VPS53: variants seen among roughly 807,000 people sequenced by gnomAD.
VPS53 encodes VPS53 subunit of GARP complex.
A neutral mutation model predicts 107.0 loss-of-function variants in VPS53; 70 were observed. The observed-to-expected ratio is 0.65, with a 90% CI of 0.54 to 0.80. The LOEUF (loss-of-function observed/expected upper bound fraction) is 0.80, where lower values mean the gene tolerates loss of function less well. VPS53 is among the 30% of genes least tolerant of loss of function. The pLI is 0.00. For missense variants in VPS53, 917 were observed against 1,049.4 expected (o/e 0.87, Z 1.74); for synonymous variants, 409 against 393.3 (o/e 1.04, Z -0.47).
intron 13 of VPS53, among the ~76,000 whole-genome samples, chr17:569,223 T>G (rs1462405117): frequency 6.6e-6 from 1 of 152,108 alleles, no homozygotes; most frequent in East Asian, 1.9e-4. Context: ...TCAGGGACAA[T>G]TTGAGTACTA....
Position 551,934 on chromosome 17 carries a change from T to G in VPS53, c.1804A>C (p.Ile602Leu). Residue 602 changes from isoleucine to leucine, a missense_variant, in exon 17 of 22, where the codon ATT becomes CTT. Physicochemically the swap from Ile to Leu is conservative, Grantham distance 5. Transcript: ENST00000437048. ...DTFSTVISSSIQLLVQDLDAA... is the reference protein window; with the variant it reads ...DTFSTVISSSLQLLVQDLDAA... ...TCCAGATCCTGAACCAGCAGCTGAA[T>G]ACTGCTGGAGATGACGCTGCAAATC... 1 of 1,601,180 alleles carries G rather than the reference T, an allele frequency of 6.2e-7. No individual in the cohort carries two copies. Among genetic ancestry groups the G allele is most frequent in the South Asian group, 1.1e-5 (1 of 88,622 alleles).
At chr17:552,068 T>A in intron 16 of VPS53, 118 bp from the exon 17 acceptor site, 5 of 935,658 alleles carry the variant, frequency 5.3e-6, no homozygotes, top group Non-Finnish European at 7.8e-6. Context: ...GTTTGAGCTT[T>A]AATTAATGAC....
chr17:582,149 C>A (rs1967057460), intron 13 of VPS53, among the ~76,000 whole-genome samples: 1 of 150,646 alleles, frequency 6.6e-6, no homozygotes, highest in South Asian at 2.1e-4. Context: ...GAGAACTTCC[C>A]TCAGAACCTA....
chr17:657,539 AC>A, intron 5 of VPS53: 1 of 1,283,084 alleles, frequency 7.8e-7, no homozygotes, highest in Non-Finnish European at 1.1e-6. Context: ...TCTTGGCACC[AC>A]GAGCCATGGC....
intron 17 of VPS53, 191 bp downstream of exon 17, chr17:551,681 A>G (rs910386299): frequency 2.9e-5 from 12 of 418,650 alleles, no homozygotes; most frequent in Non-Finnish European, 4.8e-5. Context: ...TCTCATTCTA[A>G]AAGGACAAGC....
intron 11 of VPS53, among the ~76,000 whole-genome samples, chr17:619,666 G>C (rs12453965): frequency 9.6e-5 from 1 of 10,400 alleles, no homozygotes; most frequent in Non-Finnish European, 3.0e-4. Context: ...GACTACAGGC[G>C]TGCACCACCA....
intron 12 of VPS53, among the ~76,000 whole-genome samples, chr17:591,006 C>G (rs1415693818): frequency 6.6e-6 from 1 of 151,944 alleles, no homozygotes; most frequent in Non-Finnish European, 1.5e-5. Context: ...TCCATCTGGT[C>G]CTGGACTCTT....
Position 553,402 on chromosome 17 carries a change from C to T in VPS53, c.1765G>A (p.Gly589Arg). 6.2e-7 allele frequency: 1 copy of T among 1,614,100 alleles called. No homozygotes were observed. Among genetic ancestry groups the T allele is most frequent in the African/African-American group, 1.3e-5 (1 of 75,042 alleles). Reference sequence around the variant, plus strand: ...TACGTGCTGAACGTGTCCATCTCTCCAGTCAGATTGATTCGTTCAATCAGA... The same window carrying T: ...TACGTGCTGAACGTGTCCATCTCTCTAGTCAGATTGATTCGTTCAATCAGA... ...VSLIERINLT[G>R]EMDTFSTVIS... is the part of the protein sequence containing the mutation. The change falls in exon 16 of 22, where the codon GGA (glycine) becomes AGA (arginine). Residue 589 changes from glycine (G) to arginine (R), a missense_variant. By Grantham distance (125) the Gly-to-Arg change is moderately radical. Transcript: ENST00000437048.
intron 13 of VPS53, among the ~76,000 whole-genome samples, chr17:573,191 G>A (rs1002222273): frequency 2.6e-5 from 4 of 152,180 alleles, no homozygotes; most frequent in African/African-American, 7.2e-5. Flanking sequence ...GATGGAGAAC[G>A]CCATAGAATG....
chr17:556,459 T>C lies in VPS53; in HGVS notation c.1705-2997A>G, dbSNP rs74880450. Among the ~76,000 whole-genome samples, 319 of 152,356 alleles carry C rather than the reference T, an allele frequency of 2.1e-3. 9 individuals carry two copies. The East Asian group carries it at 0.055, about 26-fold the overall frequency. On this transcript the variant is annotated intron_variant, in intron 15 of 21. Coordinates refer to ENST00000437048, the MANE Select transcript of VPS53 (RefSeq NM_001128159.3). The stretch of plus-strand genomic sequence containing the variant: ...ACGATCTTTGCAATTTTTCTGTAAA[T>C]GTAAAAGTATCCTTAAAAGTGTAGT...
At chr17:550,048 G>C (rs1413297364) in intron 17 of VPS53, among the ~76,000 whole-genome samples, 1 of 152,166 alleles carries the variant, frequency 6.6e-6, no homozygotes, top group African/African-American at 2.4e-5. Flanking sequence ...TGACAAGAGG[G>C]AGAGGGAACT....
intron 4 of VPS53, chr17:673,617 C>T (rs1972050473): frequency 6.6e-6 from 1 of 152,256 alleles, no homozygotes; most frequent in Admixed American, 6.5e-5. Flanking sequence ...CAGGACTGCC[C>T]TGGTCAAATG....
chr17:587,465 T>TAG (rs935886769), intron 12 of VPS53, among the ~76,000 whole-genome samples: 1 of 152,222 alleles, frequency 6.6e-6, no homozygotes, highest in Non-Finnish European at 1.5e-5. Context: ...ATCAGATAGA[T>TAG]AGAGAGAGAG....
intron 17 of VPS53, among the ~76,000 whole-genome samples, chr17:545,737 G>A (rs921445355): frequency 6.6e-6 from 1 of 152,174 alleles, no homozygotes; most frequent in Non-Finnish European, 1.5e-5. Context: ...ATAAGACACA[G>A]CCCTCAAGTT....
Position 521,824 on chromosome 17 carries a change from G to A in VPS53, c.2086-86C>T, listed in dbSNP as rs563096526. 2.3e-5 allele frequency: 31 copies of A among 1,327,596 alleles called. No individual in the cohort carries two copies. The African/African-American group carries it at 2.8e-4, about 12-fold the overall frequency. 82.2% of individuals were successfully genotyped at this position (1,327,596 alleles called of 1,614,324 possible). A position where few individuals can be genotyped will look rare whatever the true frequency, so the allele number is the denominator to read the frequency against. On this transcript the variant is annotated intron_variant, in intron 19 of 21. Coordinates refer to ENST00000437048, the MANE Select transcript of VPS53 (RefSeq NM_001128159.3). ...CATGCCGATGAGTCATGTTTTTCTC[G>A]TTATACACGTAACACATTCTTGTTG...
intron 13 of VPS53, among the ~76,000 whole-genome samples, chr17:565,299 A>C (rs1913384496): frequency 6.8e-6 from 1 of 146,000 alleles, no homozygotes. Context: ...GCTACTCGGG[A>C]GGCTGAGGTA....
chr17:572,049 G>C (rs978036636), intron 13 of VPS53, among the ~76,000 whole-genome samples: 3 of 150,096 alleles, frequency 2.0e-5, no homozygotes, highest in African/African-American at 4.9e-5. Context: ...GCCCAGTCCG[G>C]AAAGTGAGGA....
At chr17:638,190 G>T (rs1485488062) in intron 7 of VPS53, among the ~76,000 whole-genome samples, 3 of 152,054 alleles carry the variant, frequency 2.0e-5, no homozygotes, top group African/African-American at 7.3e-5. Context: ...TGTCTCTTTT[G>T]ATCTTTGTTG....
intron 12 of VPS53, among the ~76,000 whole-genome samples, chr17:590,512 G>A (rs1362799200): frequency 1.3e-5 from 2 of 151,768 alleles, no homozygotes; most frequent in African/African-American, 4.9e-5. Context: ...TTGGCTGTGG[G>A]TTTGTCATAG....
Sources: gnomAD v4.1 joint callset for allele counts (sites outside exome capture counted in the v4.1 genomes callset) on GRCh38, gnomAD v4.1.1 for gene constraint, MANE v1.5 for transcripts, NCBI Gene and HGNC (gene_info 2026-07-23, HGNC 2026-07-21) for gene names.